RCAN2: variants seen among roughly 807,000 people sequenced by gnomAD.
RCAN2 encodes the protein regulator of calcineurin 2.
In RCAN2, 9 loss-of-function variants were observed where a neutral mutation model predicts 23.6. The observed-to-expected ratio is 0.38, with a 90% CI of 0.23 to 0.67. The LOEUF (loss-of-function observed/expected upper bound fraction) is 0.67. Ranked by LOEUF, RCAN2 falls within the 30% of genes least tolerant of loss-of-function variation. The pLI is 0.51. For synonymous variants in RCAN2, 109 were observed against 115.7 expected (o/e 0.94, Z 0.37); for missense variants, 273 against 302.3 (o/e 0.90, Z 0.72).
chr6:46,442,270 C>T (rs1051926173), intron 2 of RCAN2, among the ~76,000 whole-genome samples: 3 of 152,200 alleles, frequency 2.0e-5, no homozygotes, highest in African/African-American at 4.8e-5. Context: ...GAATTTACAT[C>T]TTTTAAAATT....
chr6:46,283,436 C>G (rs545200285), intron 2 of RCAN2, among the ~76,000 whole-genome samples: 2 of 152,208 alleles, frequency 1.3e-5, no homozygotes, highest in East Asian at 3.9e-4. Context: ...AAGACCCTGT[C>G]TCTCTCTAAT....
intron 2 of RCAN2, among the ~76,000 whole-genome samples, chr6:46,259,609 T>C (rs1351188892): frequency 6.6e-6 from 1 of 152,220 alleles, no homozygotes; most frequent in African/African-American, 2.4e-5. Flanking sequence ...CAGTTCTCTG[T>C]AGACACCCAC....
chr6:46,285,317 G>C lies in RCAN2; in HGVS notation c.226-36421C>G, dbSNP rs115418134. Among the ~76,000 whole-genome samples, 306 of 152,280 alleles carry C rather than the reference G, an allele frequency of 2.0e-3. 3 individuals carry two copies. Among genetic ancestry groups the C allele is most frequent in the African/African-American group, 7.2e-3 (300 of 41,546 alleles). On this transcript the variant is annotated intron_variant, in intron 2 of 4. Coordinates refer to ENST00000371374, the MANE Select transcript of RCAN2 (RefSeq NM_001251974.2). ...TTCCAGAGATGGAGCCTGGGACTCT[G>C]GATTTTACACAATTGCTCTAGGTGA...
chr6:46,333,754 C>T (rs1273276306), intron 2 of RCAN2, among the ~76,000 whole-genome samples: 6 of 152,188 alleles, frequency 3.9e-5, no homozygotes, highest in Non-Finnish European at 7.3e-5. Flanking sequence ...TTTCTGTAGG[C>T]GCACATATTT....
intron 2 of RCAN2, among the ~76,000 whole-genome samples, chr6:46,408,213 G>C (rs1486995604): frequency 1.3e-5 from 2 of 152,104 alleles, no homozygotes; most frequent in Admixed American, 1.3e-4. Context: ...CCTGCGGGCG[G>C]CTCCGACTGT....
At chr6:46,474,082 G>A (rs1164090171) in intron 1 of RCAN2, among the ~76,000 whole-genome samples, 1 of 152,114 alleles carries the variant, frequency 6.6e-6, no homozygotes. Flanking sequence ...AAGAAGAGGA[G>A]AATAGGCAGA....
intron 2 of RCAN2, among the ~76,000 whole-genome samples, chr6:46,288,494 C>T (rs1179327942): frequency 6.6e-6 from 1 of 152,192 alleles, no homozygotes; most frequent in Non-Finnish European, 1.5e-5. Context: ...TCTGAGGATT[C>T]TAATAGAGGG....
intron 2 of RCAN2, among the ~76,000 whole-genome samples, chr6:46,446,316 TG>T (rs918982899): frequency 5.6e-5 from 5 of 89,206 alleles, no homozygotes; most frequent in Non-Finnish European, 7.5e-5. Flanking sequence ...GTGGGGGTGC[TG>T]GGGGGAAACT....
intron 2 of RCAN2, among the ~76,000 whole-genome samples, chr6:46,399,865 C>T (rs1180463188): frequency 6.6e-6 from 1 of 152,046 alleles, no homozygotes; most frequent in African/African-American, 2.4e-5. Context: ...GACCCTTTTT[C>T]CAAACAAGAT....
chr6:46,415,314 C>T (rs1315961760), intron 2 of RCAN2, among the ~76,000 whole-genome samples: 1 of 152,156 alleles, frequency 6.6e-6, no homozygotes, highest in Non-Finnish European at 1.5e-5. Flanking sequence ...ATTGAATGGA[C>T]AGTCTGAATC....
At chr6:46,310,468 G>T (rs1218936612) in intron 2 of RCAN2, among the ~76,000 whole-genome samples, 1 of 152,024 alleles carries the variant, frequency 6.6e-6, no homozygotes. Context: ...ATTAGAAGGT[G>T]GAATGAATGA....
intron 2 of RCAN2, among the ~76,000 whole-genome samples, chr6:46,442,665 A>G (rs1767585571): frequency 6.6e-6 from 1 of 152,202 alleles, no homozygotes; most frequent in Admixed American, 6.5e-5. Context: ...TATGGCAGTC[A>G]TCTTTCACCA....
At chr6:46,246,424 G>C (rs1358057480) in intron 4 of RCAN2, among the ~76,000 whole-genome samples, 2 of 152,110 alleles carry the variant, frequency 1.3e-5, no homozygotes, top group Admixed American at 6.6e-5. Flanking sequence ...TGTCTGTTCT[G>C]AGGAAACAAT....
intron 2 of RCAN2, among the ~76,000 whole-genome samples, chr6:46,439,386 T>C (rs1344020356): frequency 6.6e-6 from 1 of 152,252 alleles, no homozygotes; most frequent in African/African-American, 2.4e-5. Flanking sequence ...TAGTGTTTTG[T>C]AGCTATTTCT....
chr6:46,226,362 A>G (rs1441050542), intron 4 of RCAN2, among the ~76,000 whole-genome samples: 1 of 152,164 alleles, frequency 6.6e-6, no homozygotes, highest in Non-Finnish European at 1.5e-5. Context: ...TCGAATCTAT[A>G]AATTACCTTG....
chr6:46,341,562 C>G (rs148182768), intron 2 of RCAN2, among the ~76,000 whole-genome samples: 176 of 152,170 alleles, frequency 1.2e-3, no homozygotes, highest in African/African-American at 4.1e-3. Context: ...ACTTTGGGAG[C>G]CTGAGGTGGG....
chr6:46,336,019 T>G (rs890901947), intron 2 of RCAN2, among the ~76,000 whole-genome samples: 1 of 152,230 alleles, frequency 6.6e-6, no homozygotes, highest in Non-Finnish European at 1.5e-5. Flanking sequence ...CCAAATGCCT[T>G]GTCTTCAAAG....
chr6:46,237,683 A>G (rs1766152697), intron 4 of RCAN2, among the ~76,000 whole-genome samples: 1 of 152,224 alleles, frequency 6.6e-6, no homozygotes, highest in African/African-American at 2.4e-5. Context: ...TCTGGCCCCA[A>G]GCATTTTGGA....
intron 2 of RCAN2, among the ~76,000 whole-genome samples, chr6:46,307,101 G>C (rs1763096353): frequency 6.6e-6 from 1 of 152,062 alleles, no homozygotes; most frequent in South Asian, 2.1e-4. Flanking sequence ...TACCCCTGTG[G>C]TTCCAAATCC....
Sources: allele counts gnomAD v4.1 joint callset (sites outside exome capture counted in the v4.1 genomes callset), GRCh38; gene constraint gnomAD v4.1.1; transcripts MANE v1.5; gene names NCBI Gene and HGNC (gene_info 2026-07-23, HGNC 2026-07-21).